RHOBTB1: variants seen among roughly 807,000 people sequenced by gnomAD.
The protein encoded by RHOBTB1 is Rho related BTB domain containing 1.
A neutral mutation model predicts 71.6 loss-of-function variants in RHOBTB1; 40 were observed. The observed-to-expected ratio is 0.56, with a 90% confidence interval of 0.43 to 0.73. RHOBTB1 has a LOEUF of 0.73. RHOBTB1 is among the 30% of genes least tolerant of loss of function. The probability of loss-of-function intolerance (pLI) is 0.00; values close to 1 mark genes in which losing one functional copy is unlikely to be tolerated. For missense variants in RHOBTB1, 797 were observed against 894.0 expected (o/e 0.89, Z 1.38); for synonymous variants, 319 against 334.9 (o/e 0.95, Z 0.52).
chr10:60,940,415 G>A (rs2084839676), intron 2 of RHOBTB1, among the ~76,000 whole-genome samples: 3 of 152,142 alleles, frequency 2.0e-5, no homozygotes, highest in African/African-American at 7.2e-5. Flanking sequence ...GGCAAAACCT[G>A]AAAAAGTCTT....
intron 9 of RHOBTB1, 38 bp downstream of exon 9, chr10:60,874,916 G>T: frequency 1.5e-6 from 2 of 1,344,342 alleles, no homozygotes; most frequent in South Asian, 1.2e-5. Context: ...TGAACTGATT[G>T]AACACACTTA....
Position 60,869,956 on chromosome 10 carries a change from T to C in RHOBTB1, c.*1526A>G, listed in dbSNP as rs1335122897. On this transcript the variant is annotated 3_prime_UTR_variant, in exon 11 of 11. Coordinates refer to ENST00000337910, the MANE Select transcript of RHOBTB1 (RefSeq NM_014836.5). ...TTTCAAATGCATATGGCTGTCAGCATTGGGGTTTGGACTCAACTGTCTCAT... is the reference window on the plus strand; with the variant it reads ...TTTCAAATGCATATGGCTGTCAGCACTGGGGTTTGGACTCAACTGTCTCAT... 1 of 152,626 alleles carries C rather than the reference T, an allele frequency of 6.6e-6. No individual in the cohort carries two copies. The highest frequency in any genetic ancestry group is 1.5e-5 in the Non-Finnish European group (1 of 68,034). The allele number at this position is 152,626 out of a possible 1,614,324, so 9.5% of individuals were successfully genotyped here.
intron 6 of RHOBTB1, 37 bp from the exon 7 acceptor site, chr10:60,886,267 C>T (rs765172781): frequency 6.5e-7 from 1 of 1,533,912 alleles, no homozygotes; most frequent in African/African-American, 1.4e-5. Context: ...CATGAGCCAA[C>T]TTTGCTGAGA....
At chr10:60,986,220 T>G (rs2086654413) in intron 1 of RHOBTB1, among the ~76,000 whole-genome samples, 1 of 151,936 alleles carries the variant, frequency 6.6e-6, no homozygotes, top group African/African-American at 2.4e-5. Context: ...CTGGTGATGC[T>G]TCCCTCATCT....
At chr10:60,922,881 C>T (rs2083651014) in intron 2 of RHOBTB1, among the ~76,000 whole-genome samples, 1 of 152,144 alleles carries the variant, frequency 6.6e-6, no homozygotes, top group African/African-American at 2.4e-5. Context: ...GGGGTTAATC[C>T]AAGAAGGAGT....
At position 60,892,823 on chromosome 10, in the gene RHOBTB1, GC is replaced by G; in HGVS notation, c.468del (p.Arg156SerfsTer4). The G allele has an allele frequency of 6.2e-7, 1 of 1,612,672 alleles. No homozygotes were observed. ...YADLEAVNRA[R>X]RPLARPIKRG... Reference sequence around the variant, plus strand: ...CCCTTGGCTTACCTTGCTAACGGGCGCCTGGCTCGATTAACAGCTTCCAGGT... The same window carrying G: ...CCCTTGGCTTACCTTGCTAACGGGCGCTGGCTCGATTAACAGCTTCCAGGT... On this transcript the variant is annotated frameshift_variant, in exon 5 of 11. Transcript: ENST00000337910. LOFTEE classifies it high-confidence loss of function.
intron 7 of RHOBTB1, 136 bp from the exon 8 acceptor site, chr10:60,878,194 A>G: frequency 1.6e-6 from 1 of 644,796 alleles, no homozygotes; most frequent in Admixed American, 3.1e-5. Context: ...GGCTGTGCAT[A>G]GGAATCCTTC....
chr10:60,896,292 A>G (rs2082157078), intron 4 of RHOBTB1, among the ~76,000 whole-genome samples: 1 of 152,230 alleles, frequency 6.6e-6, no homozygotes, highest in Non-Finnish European at 1.5e-5. Context: ...GCTCTGTTAC[A>G]TTTTTTAACT....
chr10:60,874,994 C>T lies in RHOBTB1; in HGVS notation c.1775G>A (p.Gly592Asp), dbSNP rs1161995478. Reference sequence around the variant, plus strand: ...GTAAGAGAGCACTTCTCCGTCAATGCCCACGCCACTCGTGGCGGCTTTGGT... The same window carrying T: ...GTAAGAGAGCACTTCTCCGTCAATGTCCACGCCACTCGTGGCGGCTTTGGT... Reference protein sequence around the residue: ...ELTKAATSGVGIDGEVLSYLE... With the variant: ...ELTKAATSGVDIDGEVLSYLE... The change falls in exon 9 of 11, where the codon GGC becomes GAC. Residue 592 changes from glycine (G) to aspartate (D), a missense_variant. Coordinates refer to ENST00000337910, the MANE Select transcript of RHOBTB1 (RefSeq NM_014836.5). The T allele has an allele frequency of 6.2e-7, 1 of 1,613,942 alleles. No homozygotes were observed. Among genetic ancestry groups the T allele is most frequent in the African/African-American group, 1.3e-5 (1 of 74,924 alleles).
At chr10:60,862,844 TCTCC>T in the RHOBTB1 span, among the ~76,000 whole-genome samples, 705 of 117,322 alleles carry the variant, frequency 6.0e-3, 1 homozygote, top group Non-Finnish European at 7.6e-3. Context: ...TCCCTCCCTC[TCTCC>T]CTCCCTCCCT....
chr10:60,933,602 C>T (rs2084385554), intron 2 of RHOBTB1, among the ~76,000 whole-genome samples: 1 of 151,834 alleles, frequency 6.6e-6, no homozygotes. Context: ...TGCCTGTAGT[C>T]CAAGCTAGTC....
At chr10:60,914,666 G>A (rs891679959) in intron 2 of RHOBTB1, among the ~76,000 whole-genome samples, 5 of 152,102 alleles carry the variant, frequency 3.3e-5, no homozygotes, top group South Asian at 2.1e-4. Flanking sequence ...CAGCACTGAC[G>A]GAATGGCTGT....
At chr10:60,903,219 T>C (rs1046319225) in intron 4 of RHOBTB1, among the ~76,000 whole-genome samples, 1 of 152,196 alleles carries the variant, frequency 6.6e-6, no homozygotes, top group Non-Finnish European at 1.5e-5. Context: ...GGGGCCTAAA[T>C]TCTAACATAA....
intron 2 of RHOBTB1, among the ~76,000 whole-genome samples, chr10:60,953,659 C>T (rs1343684150): frequency 2.6e-5 from 4 of 151,940 alleles, no homozygotes; most frequent in Non-Finnish European, 5.9e-5. Flanking sequence ...ATACAGTATA[C>T]TGTTATTACA....
chr10:60,990,139 C>T (rs1450379694), intron 1 of RHOBTB1, among the ~76,000 whole-genome samples: 3 of 151,958 alleles, frequency 2.0e-5, no homozygotes, highest in South Asian at 2.1e-4. Flanking sequence ...CCCGCCACCA[C>T]GCCTGGATAA....
intron 4 of RHOBTB1, among the ~76,000 whole-genome samples, chr10:60,896,427 T>C (rs1395663262): frequency 6.6e-6 from 1 of 152,150 alleles, no homozygotes; most frequent in African/African-American, 2.4e-5. Context: ...AAGAATCAAA[T>C]AGGATTTAAA....
At chr10:60,900,197 G>A (rs1045874385) in intron 4 of RHOBTB1, among the ~76,000 whole-genome samples, 2 of 152,170 alleles carry the variant, frequency 1.3e-5, no homozygotes, top group Admixed American at 6.5e-5. Context: ...TGGTGGCAAG[G>A]TAAGAGTGGG....
intron 2 of RHOBTB1, among the ~76,000 whole-genome samples, chr10:60,937,090 A>T (rs537344672): frequency 7.7e-4 from 118 of 152,370 alleles, no homozygotes; most frequent in African/African-American, 2.6e-3. Context: ...ATTTAAAAAA[A>T]ATATCAAAGC....
chr10:60,895,514 CCT>C (rs767748889), intron 4 of RHOBTB1, among the ~76,000 whole-genome samples: 3 of 152,216 alleles, frequency 2.0e-5, no homozygotes, highest in Non-Finnish European at 4.4e-5. Flanking sequence ...AAGCAATTCC[CCT>C]GATTCAGCCT....
Sources: allele counts gnomAD v4.1 joint callset (sites outside exome capture counted in the v4.1 genomes callset), GRCh38; gene constraint gnomAD v4.1.1; transcripts MANE v1.5; gene names NCBI Gene and HGNC (gene_info 2026-07-23, HGNC 2026-07-21).